Variants in BANK1 observed in about 807,000 individuals in gnomAD.
BANK1 encodes B-cell scaffold protein with ankyrin repeats.
In BANK1, 95 loss-of-function variants were observed where a neutral mutation model predicts 94.5. The ratio of observed to expected loss-of-function variants is 1.00; its 90% CI spans 0.85 to 1.19. BANK1 has a LOEUF of 1.19. Ranked by LOEUF, BANK1 falls within the 50% of genes most tolerant of loss-of-function variation. The pLI, the probability that BANK1 is intolerant of heterozygous loss-of-function variation, is 0.00. For missense variants in BANK1, 987 were observed against 932.2 expected, an observed-to-expected ratio of 1.06 and a Z score of -0.77; for synonymous variants, 334 against 308.4, an observed-to-expected ratio of 1.08 and a Z score of -0.87.
In BANK1 at chr4:101,829,866, C is replaced by T. The variant is rs1405089019; in HGVS notation, c.129C>T (p.Tyr43=). ...AAGATGCTGAGGAATGGGCTCTGTA[C>T]TTGACAGAAGTATTTTTACATGTTG... ...YEEDAEEWAL[Y]LTEVFLHVVK... The change falls in exon 2 of 17, where the codon TAC becomes TAT. Residue 43 remains tyrosine, a synonymous_variant. Transcript: ENST00000322953. The T allele has an allele frequency of 1.9e-6, 3 of 1,610,436 alleles. No individual in the cohort carries two copies. The highest frequency in any genetic ancestry group is 2.5e-6 in the Non-Finnish European group (3 of 1,177,452).
At chr4:101,868,823 A>T (rs1342141405) in intron 4 of BANK1, among the ~76,000 whole-genome samples, 1 of 151,882 alleles carries the variant, frequency 6.6e-6, no homozygotes, top group Non-Finnish European at 1.5e-5. Flanking sequence ...ATGAATCTAT[A>T]AGACATTCTC....
intron 11 of BANK1, among the ~76,000 whole-genome samples, chr4:102,053,276 T>C (rs1301479168): frequency 6.6e-6 from 1 of 152,176 alleles, no homozygotes; most frequent in Non-Finnish European, 1.5e-5. Flanking sequence ...TTGAGTGGGC[T>C]CACTATGAGA....
At chr4:101,892,148 A>T (rs1476841993) in intron 5 of BANK1, among the ~76,000 whole-genome samples, 2 of 151,542 alleles carry the variant, frequency 1.3e-5, no homozygotes, top group East Asian at 3.9e-4. Context: ...ATCTTTCCAG[A>T]AGTAAATTCC....
intron 1 of BANK1, among the ~76,000 whole-genome samples, chr4:101,822,757 A>G (rs1726218627): frequency 6.6e-6 from 1 of 151,904 alleles, no homozygotes; most frequent in Admixed American, 6.6e-5. Flanking sequence ...CTGGGACTAC[A>G]GGTGTCCGCC....
intron 7 of BANK1, among the ~76,000 whole-genome samples, chr4:101,963,651 T>C (rs1401816161): frequency 6.6e-6 from 1 of 152,180 alleles, no homozygotes; most frequent in Non-Finnish European, 1.5e-5. Context: ...TTCCATATTT[T>C]GCATTATAAG....
At chr4:101,943,770 A>G (rs990670821) in intron 7 of BANK1, among the ~76,000 whole-genome samples, 8 of 152,050 alleles carry the variant, frequency 5.3e-5, no homozygotes, top group Admixed American at 2.6e-4. Context: ...TTGAAAAACC[A>G]TAAGATATTT....
chr4:101,822,453 G>A (rs1726197011), intron 1 of BANK1, among the ~76,000 whole-genome samples: 1 of 151,792 alleles, frequency 6.6e-6, no homozygotes, highest in Admixed American at 6.6e-5. Context: ...ATTCTCTAAA[G>A]TTACCATATT....
chr4:101,858,554 G>A (rs1285682679), intron 3 of BANK1, among the ~76,000 whole-genome samples: 2 of 152,000 alleles, frequency 1.3e-5, no homozygotes, highest in Non-Finnish European at 2.9e-5. Flanking sequence ...TCTGCCCACT[G>A]TAATCTCAAC....
At chr4:101,986,819 A>ATGTGTATATATATGTATATATG (rs1725499540) in intron 7 of BANK1, among the ~76,000 whole-genome samples, 2 of 136,656 alleles carry the variant, frequency 1.5e-5, no homozygotes, top group Non-Finnish European at 3.1e-5. Context: ...ATGTATATAT[A>ATGTGTATATATATGTATATATG]TGTGTATATA....
At chr4:102,025,162 T>G (rs1368233602) in intron 8 of BANK1, 39 bp from the exon 9 acceptor site, 1 of 1,589,844 alleles carries the variant, frequency 6.3e-7, no homozygotes, top group Non-Finnish European at 8.6e-7. Context: ...CTTCAGATGG[T>G]GTGTTTAAAT....
intron 7 of BANK1, among the ~76,000 whole-genome samples, chr4:101,990,994 G>A (rs553188754): frequency 6.6e-6 from 1 of 152,258 alleles, no homozygotes; most frequent in Non-Finnish European, 1.5e-5. Context: ...ATATGTTGAA[G>A]ACTTCCTCAA....
At chr4:102,005,265 A>AT (rs909193297) in intron 7 of BANK1, among the ~76,000 whole-genome samples, 2 of 152,022 alleles carry the variant, frequency 1.3e-5, no homozygotes, top group Non-Finnish European at 2.9e-5. Context: ...AATTCTCTTA[A>AT]TTTTTTTCTG....
chr4:102,033,196 T>C (rs1050928248), intron 10 of BANK1, among the ~76,000 whole-genome samples: 1 of 152,206 alleles, frequency 6.6e-6, no homozygotes, highest in African/African-American at 2.4e-5. Flanking sequence ...GTTTTCCGTC[T>C]CGTATGTAAT....
intron 7 of BANK1, among the ~76,000 whole-genome samples, chr4:101,963,451 G>A (rs1005888255): frequency 2.6e-5 from 4 of 151,560 alleles, no homozygotes; most frequent in Non-Finnish European, 5.9e-5. Flanking sequence ...TCTTCATTTC[G>A]GCCTTGGACA....
chr4:101,829,804 C>T lies in BANK1; in HGVS notation c.71-4C>T, dbSNP rs1309987880. The T allele has an allele frequency of 6.7e-7, 1 of 1,496,320 alleles. No homozygotes were observed. The highest frequency in any genetic ancestry group is 1.3e-5 in the South Asian group (1 of 74,530). 92.7% of individuals were successfully genotyped at this position (1,496,320 alleles called of 1,614,324 possible). A position where few individuals can be genotyped will look rare whatever the true frequency, so the allele number is the denominator to read the frequency against. On this transcript the variant is annotated splice_region_variant and splice_polypyrimidine_tract_variant and intron_variant, in intron 1 of 16. Coordinates refer to ENST00000322953, the MANE Select transcript of BANK1 (RefSeq NM_017935.5). ...ATATAAGAAAATATTTTTTCTTTTT[C>T]CAGGAAATACAAAAGATATAATAAT...
chr4:101,901,942 A>G (rs543442603), intron 6 of BANK1, among the ~76,000 whole-genome samples: 1 of 152,004 alleles, frequency 6.6e-6, no homozygotes, highest in Non-Finnish European at 1.5e-5. Flanking sequence ...TTGTATTTTT[A>G]GTAGAGACAG....
chr4:102,005,843 T>C (rs1341944119), intron 7 of BANK1, among the ~76,000 whole-genome samples: 1 of 152,028 alleles, frequency 6.6e-6, no homozygotes, highest in African/African-American at 2.4e-5. Flanking sequence ...GTCACAGAAT[T>C]AACCAATTGC....
At chr4:101,865,184 A>G (rs62321728) in intron 4 of BANK1, among the ~76,000 whole-genome samples, 17,255 of 152,150 alleles carry the variant, frequency 0.11, 1,287 homozygotes, top group East Asian at 0.24. Flanking sequence ...TCTGACAAGG[A>G]CAATCCACTA....
chr4:101,911,239 G>A lies in BANK1; in HGVS notation c.1010-6754G>A, dbSNP rs747431207. ...ACTATAGTGAGCATGAGCTCGGGGT[G>A]TCATTGAAGTGAAAAAGAAAGAGAA... On this transcript the variant is annotated intron_variant, in intron 6 of 16. Coordinates refer to ENST00000322953, the MANE Select transcript of BANK1 (RefSeq NM_017935.5). Among the ~76,000 whole-genome samples, 41 of 152,272 alleles carry A rather than the reference G, an allele frequency of 2.7e-4. No homozygotes were observed. In the Middle Eastern group the frequency reaches 0.01, roughly 38 times the overall value.
Sources: gnomAD v4.1 joint callset for allele counts (sites outside exome capture counted in the v4.1 genomes callset) on GRCh38, gnomAD v4.1.1 for gene constraint, MANE v1.5 for transcripts, NCBI Gene and HGNC (gene_info 2026-07-23, HGNC 2026-07-21) for gene names.